MAST2: variants seen among roughly 807,000 people sequenced by gnomAD.
MAST2 encodes microtubule associated serine/threonine kinase 2.
MAST2 carries 70 observed loss-of-function variants against 147.4 expected under a neutral mutation model. The observed-to-expected ratio is 0.47, with a 90% CI of 0.39 to 0.58. The LOEUF is 0.58. Ranked by LOEUF, MAST2 falls within the 20% of genes least tolerant of loss-of-function variation. The probability of loss-of-function intolerance (pLI) is 0.00; values close to 1 mark genes in which losing one functional copy is unlikely to be tolerated. For synonymous variants in MAST2, 869 were observed against 896.8 expected, an observed-to-expected ratio of 0.97 and a Z score of 0.55; for missense variants, 2,080 against 2,302.3, an observed-to-expected ratio of 0.90 and a Z score of 1.98.
chr1:46,000,881 A>G, intron 6 of MAST2: 9 of 1,099,424 alleles, frequency 8.2e-6, no homozygotes, highest in Non-Finnish European at 9.8e-6. Flanking sequence ...GCCAAGCTAG[A>G]CCAAATACCA....
chr1:46,027,863 G>A lies in MAST2; in HGVS notation c.2052G>A (p.Gln684=). The change falls in exon 17 of 29, where the codon CAG becomes CAA. Residue 684 remains glutamine, a splice_region_variant and synonymous_variant. Coordinates refer to ENST00000361297, the MANE Select transcript of MAST2 (RefSeq NM_015112.3). Reference sequence around the variant, plus strand: ...ATGCCCGGGAATTCCTGGACAAGCAGGTAAGGAAGGGTAGTTGATACACTG... The same window carrying A: ...ATGCCCGGGAATTCCTGGACAAGCAAGTAAGGAAGGGTAGTTGATACACTG... ...EKDAREFLDK[Q]VCGTPEYIAP... is the part of the protein sequence containing the mutation. 1 of 1,613,988 alleles carries A rather than the reference G, an allele frequency of 6.2e-7. No individual in the cohort carries two copies. The highest frequency in any genetic ancestry group is 8.5e-7 in the Non-Finnish European group (1 of 1,179,928).
chr1:45,874,715 A>T, intron 3 of MAST2, among the ~76,000 whole-genome samples: 1 of 152,214 alleles, frequency 6.6e-6, no homozygotes, highest in East Asian at 1.9e-4. Flanking sequence ...GGTGCCAGGA[A>T]TGTCCTTGAG....
intron 4 of MAST2, chr1:45,917,647 C>A: frequency 1.4e-6 from 1 of 721,226 alleles, no homozygotes; most frequent in Non-Finnish European, 2.1e-6. Flanking sequence ...TTGGTTCTGT[C>A]ACAGAGAAGA....
At chr1:45,827,659 A>ATT (rs5773894) in intron 2 of MAST2, among the ~76,000 whole-genome samples, 25 of 149,676 alleles carry the variant, frequency 1.7e-4, no homozygotes, top group East Asian at 3.9e-4. Context: ...CATCATCATT[A>ATT]TTTTTTTTTT....
chr1:45,898,244 C>T (rs1649101049), intron 4 of MAST2, among the ~76,000 whole-genome samples: 1 of 152,138 alleles, frequency 6.6e-6, no homozygotes, highest in African/African-American at 2.4e-5. Context: ...CTCAGATCAA[C>T]CAGAAAAACA....
At chr1:45,955,712 G>T (rs2148888084) in intron 4 of MAST2, among the ~76,000 whole-genome samples, 1 of 152,262 alleles carries the variant, frequency 6.6e-6, no homozygotes, top group African/African-American at 2.4e-5. Flanking sequence ...GGCTCGCTTG[G>T]CATTTTCTAA....
chr1:45,910,885 GA>G (rs776032419), intron 4 of MAST2, among the ~76,000 whole-genome samples: 49 of 152,286 alleles, frequency 3.2e-4, no homozygotes, highest in Non-Finnish European at 2.2e-4. Context: ...AAGGACATGG[GA>G]AGAAATATGT....
At chr1:45,888,120 C>T (rs1036131461) in intron 4 of MAST2, among the ~76,000 whole-genome samples, 6 of 152,186 alleles carry the variant, frequency 3.9e-5, no homozygotes, top group African/African-American at 1.4e-4. Context: ...CGCTAGATCT[C>T]ATAACTGTCC....
intron 4 of MAST2, among the ~76,000 whole-genome samples, chr1:45,943,078 G>A (rs1657538709): frequency 6.6e-6 from 1 of 152,162 alleles, no homozygotes; most frequent in Admixed American, 6.5e-5. Flanking sequence ...AAATTAACAT[G>A]TATTAGGTAT....
chr1:45,917,480 A>T (rs954828812), intron 4 of MAST2: 2 of 1,366,498 alleles, frequency 1.5e-6, no homozygotes. Context: ...TCCTGAACCC[A>T]CGAGCCCACA....
intron 1 of MAST2, among the ~76,000 whole-genome samples, chr1:45,823,592 C>T (rs770174175): frequency 3.3e-5 from 5 of 152,126 alleles, no homozygotes; most frequent in Admixed American, 6.5e-5. Context: ...CCTCAGACTC[C>T]TAAAGTGCTG....
At chr1:45,959,863 C>G (rs535253122) in intron 5 of MAST2, among the ~76,000 whole-genome samples, 2 of 152,214 alleles carry the variant, frequency 1.3e-5, no homozygotes, top group East Asian at 1.9e-4. Flanking sequence ...GAGGGTTTTT[C>G]GTCTAATGGG....
intron 1 of MAST2, among the ~76,000 whole-genome samples, chr1:45,807,541 GTGATT>G (rs1285661856): frequency 6.6e-6 from 1 of 150,660 alleles, no homozygotes; most frequent in Non-Finnish European, 1.5e-5. Context: ...CTTAACATTT[GTGATT>G]TTTTTTTTTT....
chr1:45,899,379 T>C (rs1649362274), intron 4 of MAST2, among the ~76,000 whole-genome samples: 2 of 146,508 alleles, frequency 1.4e-5, no homozygotes, highest in Admixed American at 7.3e-5. Context: ...TGTGTAATGC[T>C]GGGGTTTCGG....
At chr1:45,930,390 T>TG (rs1437194141) in intron 4 of MAST2, among the ~76,000 whole-genome samples, 20 of 110,230 alleles carry the variant, frequency 1.8e-4, no homozygotes, top group Admixed American at 3.2e-4. Context: ...GTTTTTTGTT[T>TG]TTTTTGTTTT....
In MAST2 at chr1:45,829,571, C is replaced by G. The variant is rs765206309; in HGVS notation, c.458C>G (p.Thr153Ser). Reference protein sequence around the residue: ...QSLGQSAPSLTAGLKELSLPR... With the variant: ...QSLGQSAPSLSAGLKELSLPR... ...CTTGGACAGTCTGCACCTTCTCTTA[C>G]TGCTGGCCTGGTAAGTGTTCATAAA... is the stretch of plus-strand genomic sequence containing the variant. The change falls in exon 3 of 29, where the codon ACT becomes AGT. Residue 153 changes from threonine (T) to serine (S), a missense_variant. Thr to Ser is a moderately conservative substitution (Grantham distance 58). This residue lies in a region of MAST2 where 569 missense variants were observed against 642.5 expected (regional missense o/e 0.89). Transcript: ENST00000361297. 13 of 1,613,090 alleles carry G rather than the reference C, an allele frequency of 8.1e-6. No individual in the cohort carries two copies. Among genetic ancestry groups the G allele is most frequent in the South Asian group, 2.2e-5 (2 of 90,782 alleles).
chr1:45,906,135 T>TA (rs1650681953), intron 4 of MAST2, among the ~76,000 whole-genome samples: 1 of 152,176 alleles, frequency 6.6e-6, no homozygotes, highest in African/African-American at 2.4e-5. Flanking sequence ...AAAAAAAGAA[T>TA]AAAAAATTAC....
At chr1:45,806,751 A>G (rs978131152) in intron 1 of MAST2, among the ~76,000 whole-genome samples, 1 of 151,922 alleles carries the variant, frequency 6.6e-6, no homozygotes, top group Non-Finnish European at 1.5e-5. Flanking sequence ...CTAATTCTCT[A>G]TTTTTAGTGG....
At chr1:45,861,408 C>T (rs543962970) in intron 3 of MAST2, among the ~76,000 whole-genome samples, 1 of 151,964 alleles carries the variant, frequency 6.6e-6, no homozygotes, top group Admixed American at 6.6e-5. Context: ...TGTATTATCT[C>T]TCAATTTTTT....
Sources: gnomAD v4.1 joint callset for allele counts (sites outside exome capture counted in the v4.1 genomes callset) on GRCh38, gnomAD v4.1.1 for gene constraint, gnomAD v4.1.1 regional missense constraint, MANE v1.5 for transcripts, NCBI Gene and HGNC (gene_info 2026-07-23, HGNC 2026-07-21) for gene names.